Variants in ELAPOR2 observed in about 807,000 individuals in gnomAD.
The protein encoded by ELAPOR2 is endosome/lysosome-associated apoptosis and autophagy regulator family member 2.
ELAPOR2 carries 89 observed loss-of-function variants against 120.7 expected under a neutral mutation model. The observed-to-expected ratio is 0.74, with a 90% CI of 0.62 to 0.88. The LOEUF is 0.88. Ranked by LOEUF, ELAPOR2 falls within the 40% of genes least tolerant of loss-of-function variation. The pLI is 0.00. For synonymous variants in ELAPOR2, 444 were observed against 444.9 expected (o/e 1.00, Z 0.03); for missense variants, 1,134 against 1,251.6 (o/e 0.91, Z 1.42).
At chr7:87,045,257 G>T (rs1464352449) in intron 1 of ELAPOR2, among the ~76,000 whole-genome samples, 1 of 136,602 alleles carries the variant, frequency 7.3e-6, no homozygotes, top group Non-Finnish European at 1.5e-5. Context: ...CCCATTACTG[G>T]GTATATACCC....
Position 86,940,001 on chromosome 7 carries a change from A to ATTC in ELAPOR2, c.847+8_847+9insGAA. 4 of 1,570,190 alleles carry ATTC rather than the reference A, an allele frequency of 2.5e-6. No individual in the cohort carries two copies. The highest frequency in any genetic ancestry group is 3.5e-6 in the Non-Finnish European group (4 of 1,144,854). ...CTGGTGACTACTAAAACAGAATGCC[A>ATTC]TGAAATACCTTCAATTGTGATATTT... is the stretch of plus-strand genomic sequence containing the variant. On this transcript the variant is annotated intron_variant, in intron 6 of 21. Coordinates refer to ENST00000450689, the MANE Select transcript of ELAPOR2 (RefSeq NM_001142749.3).
chr7:86,938,233 G>C lies in ELAPOR2; in HGVS notation c.1001-19C>G. 1 of 1,530,722 alleles carries C rather than the reference G, an allele frequency of 6.5e-7. No homozygotes were observed. The highest frequency in any genetic ancestry group is 2.5e-5 in the East Asian group (1 of 40,794). 94.8% of individuals were successfully genotyped at this position (1,530,722 alleles called of 1,614,324 possible). ...CCTTCCTCTGCAACATAAAAAAAGC[G>C]TTTCAGAAATGGGTCAATTATTTTG... On this transcript the variant is annotated intron_variant, in intron 7 of 21. Coordinates refer to ENST00000450689, the MANE Select transcript of ELAPOR2 (RefSeq NM_001142749.3).
At chr7:86,935,156 T>C (rs1790510172) in intron 8 of ELAPOR2, among the ~76,000 whole-genome samples, 1 of 152,030 alleles carries the variant, frequency 6.6e-6, no homozygotes, top group Admixed American at 6.6e-5. Flanking sequence ...ACCAAAAAAC[T>C]TGCAGTGATT....
intron 1 of ELAPOR2, among the ~76,000 whole-genome samples, chr7:87,057,331 G>C (rs1562989963): frequency 1.3e-5 from 2 of 152,146 alleles, no homozygotes; most frequent in Non-Finnish European, 2.9e-5. Flanking sequence ...TAGCTCCACT[G>C]GTTAGACCAG....
At chr7:86,922,870 T>C (rs942220672) in intron 10 of ELAPOR2, among the ~76,000 whole-genome samples, 2 of 151,948 alleles carry the variant, frequency 1.3e-5, no homozygotes, top group African/African-American at 4.8e-5. Context: ...GTCAAATGAA[T>C]ATATTTTTAA....
intron 18 of ELAPOR2, 72 bp from the exon 19 acceptor site, chr7:86,897,704 A>G: frequency 6.5e-7 from 1 of 1,534,406 alleles, no homozygotes; most frequent in East Asian, 2.3e-5. Context: ...TCTAATCAAC[A>G]CCAGAATACC....
At chr7:86,885,116 A>T (rs1292949737) in intron 21 of ELAPOR2, among the ~76,000 whole-genome samples, 2 of 152,206 alleles carry the variant, frequency 1.3e-5, no homozygotes, top group Non-Finnish European at 2.9e-5. Context: ...TCTACCTGGA[A>T]ATTTCCCCTA....
chr7:86,933,261 A>C (rs1790410841), intron 8 of ELAPOR2, among the ~76,000 whole-genome samples: 1 of 151,970 alleles, frequency 6.6e-6, no homozygotes, highest in African/African-American at 2.4e-5. Context: ...TATCTTATCC[A>C]TAAGGAAATC....
rs1040047943 is a variant in ELAPOR2 at position 86,914,763 on chromosome 7, G to C, written c.1691C>G (p.Thr564Arg). The C allele has an allele frequency of 1.9e-6, 3 of 1,612,078 alleles. No individual in the cohort carries two copies. Among genetic ancestry groups the C allele is most frequent in the Middle Eastern group, 3.3e-4 (2 of 6,050 alleles). ...AGTTCTCTGGAATGCCCATGTAAAT[G>C]TAAAAGTTGCATTCTTGAAGATGAT... Reference protein sequence around the residue: ...THIIFKNATFTFTWAFQRTNQ... With the variant: ...THIIFKNATFRFTWAFQRTNQ... The change falls in exon 13 of 22, where the codon ACA becomes AGA. Residue 564 changes from threonine to arginine, a missense_variant. Coordinates refer to ENST00000450689, the MANE Select transcript of ELAPOR2 (RefSeq NM_001142749.3).
rs1055076754 is a variant in ELAPOR2, at chr7:86,945,299, G to T, written c.507-253C>A. On this transcript the variant is annotated intron_variant, in intron 3 of 21. Transcript: ENST00000450689. ...AATTGTTATTTTTCACCCAAAATTT[G>T]ATTACCAAATAGATGATAACTAATT... Among the ~76,000 whole-genome samples the T allele has an allele frequency of 1.5e-4, 23 of 152,256 alleles. 1 individual carries two copies. The highest frequency in any genetic ancestry group is 3.4e-3 in the Middle Eastern group (1 of 294).
rs76616900 is a variant in ELAPOR2, at chr7:86,989,241, G to T, written c.190-24217C>A. On this transcript the variant is annotated intron_variant, in intron 1 of 21. Transcript: ENST00000450689. ...CCCTTTTAAATTAAGCAGGCTGTATGTGCTAGGCTCCAAATCTCTGTTTAG... is the reference window on the plus strand; with the variant it reads ...CCCTTTTAAATTAAGCAGGCTGTATTTGCTAGGCTCCAAATCTCTGTTTAG... Among the ~76,000 whole-genome samples the T allele has an allele frequency of 4.0e-3, 606 of 152,222 alleles. 16 individuals carry two copies. The East Asian group carries it at 0.058, about 15-fold the overall frequency.
intron 2 of ELAPOR2, among the ~76,000 whole-genome samples, chr7:86,954,468 T>C (rs566956403): frequency 1.3e-5 from 2 of 152,274 alleles, no homozygotes; most frequent in East Asian, 1.9e-4. Flanking sequence ...TTAATCAAAG[T>C]TTTTATTACT....
chr7:86,964,579 G>T (rs996646481), intron 2 of ELAPOR2, among the ~76,000 whole-genome samples: 2 of 151,998 alleles, frequency 1.3e-5, no homozygotes, highest in African/African-American at 2.4e-5. Context: ...TAAGTTATGT[G>T]TATTTCAACA....
chr7:87,028,632 G>A (rs182827124), intron 1 of ELAPOR2, among the ~76,000 whole-genome samples: 12 of 151,970 alleles, frequency 7.9e-5, no homozygotes, highest in South Asian at 6.2e-4. Context: ...CCATATTTTC[G>A]TAATATCCTA....
chr7:86,927,968 A>G (rs1012358624), intron 8 of ELAPOR2, among the ~76,000 whole-genome samples: 2 of 152,048 alleles, frequency 1.3e-5, no homozygotes, highest in Non-Finnish European at 2.9e-5. Flanking sequence ...ATTTCCAGTT[A>G]GTAGAAAATC....
chr7:86,954,077 A>G (rs918179007), intron 2 of ELAPOR2, among the ~76,000 whole-genome samples: 7 of 152,194 alleles, frequency 4.6e-5, no homozygotes, highest in African/African-American at 1.4e-4. Flanking sequence ...TCCGTCCCCA[A>G]GTAGCAAATA....
chr7:87,059,475 G>C lies in ELAPOR2; in HGVS notation c.39C>G (p.Gly13=). The C allele has an allele frequency of 8.2e-7, 1 of 1,215,512 alleles. No homozygotes were observed. The allele number at this position is 1,215,512 out of a possible 1,614,324, so 75.3% of individuals were successfully genotyped here. A position where few individuals can be genotyped will look rare whatever the true frequency, so the allele number is the denominator to read the frequency against. Residue 13 remains glycine, a synonymous_variant, in exon 1 of 22, where the codon GGC becomes GGG. Transcript: ENST00000450689. ...GGGGAGCCTCCGCCGGCCGCCCCCA[G>C]CCCCTGCCCCGTACCGGCCCCCGGG... The part of the protein sequence containing the change: ...FRARGPVRGR[G]WGRPAEAPRR...
At chr7:86,925,237 C>CT (rs932829822) in intron 10 of ELAPOR2, among the ~76,000 whole-genome samples, 10 of 151,890 alleles carry the variant, frequency 6.6e-5, no homozygotes, top group African/African-American at 2.4e-4. Flanking sequence ...TTTCATCCCC[C>CT]TCCTTGGTAA....
intron 19 of ELAPOR2, 107 bp from the exon 20 acceptor site, chr7:86,893,207 AG>A (rs1403508537): frequency 1.1e-6 from 1 of 874,914 alleles, no homozygotes; most frequent in Non-Finnish European, 1.7e-6. Context: ...AAAAGAAGAA[AG>A]GGTTTTGCTA....
Sources: allele counts gnomAD v4.1 joint callset (sites outside exome capture counted in the v4.1 genomes callset), GRCh38; gene constraint gnomAD v4.1.1; transcripts MANE v1.5; gene names NCBI Gene and HGNC (gene_info 2026-07-23, HGNC 2026-07-21).